NXPE3: variants seen among roughly 807,000 people sequenced by gnomAD.
NXPE3 encodes neurexophilin and PC-esterase domain family member 3.
Under a neutral mutation model 46.1 loss-of-function variants are expected in NXPE3, and 26 were observed. The observed-to-expected ratio is 0.56, with a 90% confidence interval of 0.41 to 0.78. The LOEUF is 0.78. Among genes scored for constraint, NXPE3 ranks in the 30% least tolerant of loss-of-function variants. NXPE3 has a pLI of 0.00. For missense variants in NXPE3, 620 were observed against 686.0 expected (o/e 0.90, Z 1.07); for synonymous variants, 272 against 257.9 (o/e 1.05, Z -0.52).
intron 4 of NXPE3, among the ~76,000 whole-genome samples, chr3:101,799,149 A>G (rs886665330): frequency 1.3e-5 from 2 of 151,996 alleles, no homozygotes; most frequent in African/African-American, 4.8e-5. Context: ...TATGTTTCCC[A>G]GGTTGGTCTT....
chr3:101,803,394 TTACTG>T (rs1295801965), intron 5 of NXPE3, among the ~76,000 whole-genome samples: 2 of 152,034 alleles, frequency 1.3e-5, no homozygotes, highest in Non-Finnish European at 2.9e-5. Flanking sequence ...TGTACAGTGT[TTACTG>T]TACTGCTGAG....
chr3:101,803,398 T>C (rs562924580), intron 5 of NXPE3, among the ~76,000 whole-genome samples: 323 of 152,364 alleles, frequency 2.1e-3, no homozygotes, highest in Non-Finnish European at 3.7e-3. Context: ...CAGTGTTTAC[T>C]GTACTGCTGA....
chr3:101,818,068 T>C (rs961167420), intron 7 of NXPE3, among the ~76,000 whole-genome samples: 2 of 152,100 alleles, frequency 1.3e-5, no homozygotes, highest in African/African-American at 2.4e-5. Context: ...TTTTTTTGTA[T>C]TTTTTGTAGA....
chr3:101,821,490 C>T lies in NXPE3; in HGVS notation c.1216C>T (p.Arg406Cys), dbSNP rs547768037. 22 of 1,614,034 alleles carry T rather than the reference C, an allele frequency of 1.4e-5. No individual in the cohort carries two copies. The highest frequency in any genetic ancestry group is 4.5e-5 in the East Asian group (2 of 44,896). ...GAAGCACAACATCCTGCTCAAATAC[C>T]GCTGCCATGGTCCACCCATCCGCTT... ...DQKHNILLKY[R>C]CHGPPIRFTT... The change falls in exon 8 of 8, where the codon CGC (arginine) becomes TGC (cysteine). Residue 406 changes from arginine (R) to cysteine (C), a missense_variant. Around this residue, in one of 3 missense-constraint regions of NXPE3, gnomAD observed 511 missense variants for 528.6 expected, o/e 0.97. Coordinates refer to ENST00000273347, the MANE Select transcript of NXPE3 (RefSeq NM_145037.4).
chr3:101,808,614 C>A (rs1041093046), intron 6 of NXPE3, among the ~76,000 whole-genome samples: 1 of 151,706 alleles, frequency 6.6e-6, no homozygotes, highest in African/African-American at 2.4e-5. Flanking sequence ...GTGATATCTC[C>A]ATATTTTAGA....
chr3:101,813,955 T>C (rs1229396330), intron 6 of NXPE3, among the ~76,000 whole-genome samples: 1 of 152,126 alleles, frequency 6.6e-6, no homozygotes, highest in African/African-American at 2.4e-5. Flanking sequence ...AAAAATATGA[T>C]TTTTTTCTCA....
At chr3:101,814,823 A>G (rs1419464071) in intron 6 of NXPE3, among the ~76,000 whole-genome samples, 1 of 152,204 alleles carries the variant, frequency 6.6e-6, no homozygotes, top group Non-Finnish European at 1.5e-5. Context: ...ACATCTATAA[A>G]CATCTGTTTT....
chr3:101,800,227 T>A (rs1301633331), intron 4 of NXPE3, among the ~76,000 whole-genome samples: 2 of 152,186 alleles, frequency 1.3e-5, no homozygotes, highest in Admixed American at 1.3e-4. Flanking sequence ...CTTCTCTTGC[T>A]TCATTCTATA....
Position 101,801,775 on chromosome 3 carries a change from A to C in NXPE3, c.634A>C (p.Ser212Arg). The stretch of plus-strand genomic sequence containing the variant: ...TAAACCAGACAGGGTCTATTTCAAG[A>C]GTCTCTTCCGTTCAGGAAGAATTTC... ...EDKPDRVYFK[S>R]LFRSGRISET... Residue 212 changes from serine to arginine, a missense_variant, in exon 5 of 8, where the codon AGT becomes CGT. This residue lies in a region of NXPE3 where 511 missense variants were observed against 528.6 expected (regional missense o/e 0.97). Coordinates refer to ENST00000273347, the MANE Select transcript of NXPE3 (RefSeq NM_145037.4). 6.2e-7 allele frequency: 1 copy of C among 1,614,206 alleles called. No homozygotes were observed. The highest frequency in any genetic ancestry group is 8.5e-7 in the Non-Finnish European group (1 of 1,180,024).
rs148397295 is a variant in NXPE3 at position 101,818,376 on chromosome 3, G to A, written c.1129+1375G>A. ...TATGGCTTGATGCTAGACAAGGTTT[G>A]ATGTGATGCTGACCAGTGAGGGCCT... On this transcript the variant is annotated intron_variant, in intron 7 of 7. Transcript: ENST00000273347. 2.5e-3 allele frequency among the ~76,000 whole-genome samples: 388 copies of A among 152,218 alleles called. 2 individuals carry two copies. Among genetic ancestry groups the A allele is most frequent in the African/African-American group, 8.3e-3 (343 of 41,526 alleles).
chr3:101,797,083 T>A (rs1940872601), intron 4 of NXPE3, among the ~76,000 whole-genome samples: 1 of 152,206 alleles, frequency 6.6e-6, no homozygotes, highest in Non-Finnish European at 1.5e-5. Context: ...TTTATTCCTG[T>A]ATCCTGTTTA....
chr3:101,796,412 G>A (rs937353914), intron 4 of NXPE3, among the ~76,000 whole-genome samples: 1 of 152,178 alleles, frequency 6.6e-6, no homozygotes, highest in Non-Finnish European at 1.5e-5. Flanking sequence ...TTTGTCATTT[G>A]CAAGTAAAAT....
chr3:101,808,158 G>A (rs1238681293), intron 6 of NXPE3, among the ~76,000 whole-genome samples: 1 of 152,118 alleles, frequency 6.6e-6, no homozygotes, highest in Non-Finnish European at 1.5e-5. Flanking sequence ...AAACTTTTCG[G>A]GTGACTCTGA....
Position 101,805,730 on chromosome 3 carries a change from C to G in NXPE3, c.849-1323C>G, listed in dbSNP as rs553378991. Among the ~76,000 whole-genome samples, 9 of 152,294 alleles carry G rather than the reference C, an allele frequency of 5.9e-5. No homozygotes were observed. In the East Asian group the frequency reaches 1.7e-3, roughly 29 times the overall value. On this transcript the variant is annotated intron_variant, in intron 5 of 7. Transcript: ENST00000273347. ...TGCTGGGATTACAGGCGTAAGCCAC[C>G]ACGCCCAGTCTGCTTTGGATTTGCT...
At chr3:101,820,243 A>G (rs1220167874) in intron 7 of NXPE3, among the ~76,000 whole-genome samples, 1 of 152,254 alleles carries the variant, frequency 6.6e-6, no homozygotes, top group Non-Finnish European at 1.5e-5. Flanking sequence ...AAAAGAAGAC[A>G]TACATACAGC....
chr3:101,817,312 C>A (rs1253210505), intron 7 of NXPE3, among the ~76,000 whole-genome samples: 1 of 152,210 alleles, frequency 6.6e-6, no homozygotes, highest in East Asian at 1.9e-4. Flanking sequence ...GACCATGTCA[C>A]TTCACAGGTG....
chr3:101,799,503 T>C (rs1418400711), intron 4 of NXPE3, among the ~76,000 whole-genome samples: 2 of 152,098 alleles, frequency 1.3e-5, no homozygotes, highest in African/African-American at 4.8e-5. Flanking sequence ...CTTGGCTCAC[T>C]GCAACCTCTG....
intron 4 of NXPE3, among the ~76,000 whole-genome samples, chr3:101,787,013 A>T (rs1358318255): frequency 2.0e-5 from 3 of 152,058 alleles, no homozygotes; most frequent in African/African-American, 7.2e-5. Context: ...CCTTGAGGTC[A>T]GGAGTTCAAG....
rs1940107616 is a variant in NXPE3, at chr3:101,785,538, A to C, written c.-59A>C. ...CAGCTCAGAAAAGCAAAGACATGGA[A>C]TTTTAAAGAGTGAAGGTAGCATGGT... On this transcript the variant is annotated 5_prime_UTR_variant, in exon 4 of 8. Coordinates refer to ENST00000273347, the MANE Select transcript of NXPE3 (RefSeq NM_145037.4). 1 of 1,467,574 alleles carries C rather than the reference A, an allele frequency of 6.8e-7. No homozygotes were observed. Among genetic ancestry groups the C allele is most frequent in the Non-Finnish European group, 9.6e-7 (1 of 1,046,500 alleles). The allele number at this position is 1,467,574 out of a possible 1,614,324, so 90.9% of individuals were successfully genotyped here. A position where few individuals can be genotyped will look rare whatever the true frequency, so the allele number is the denominator to read the frequency against.
Sources: gnomAD v4.1 joint callset for allele counts (sites outside exome capture counted in the v4.1 genomes callset) on GRCh38, gnomAD v4.1.1 for gene constraint, gnomAD v4.1.1 regional missense constraint, MANE v1.5 for transcripts, NCBI Gene and HGNC (gene_info 2026-07-23, HGNC 2026-07-21) for gene names.